YLPM1: variants seen among roughly 807,000 people sequenced by gnomAD.
The protein encoded by YLPM1 is YLP motif-containing protein 1.
YLPM1 carries 99 observed loss-of-function variants against 230.0 expected under a neutral mutation model. The ratio of observed to expected loss-of-function variants is 0.43; its 90% CI spans 0.37 to 0.51. The LOEUF (loss-of-function observed/expected upper bound fraction) is 0.51. Ranked by LOEUF, YLPM1 falls within the 20% of genes least tolerant of loss-of-function variation. The pLI is 0.00. For synonymous variants in YLPM1, 984 were observed against 942.5 expected (o/e 1.04, Z -0.81); for missense variants, 2,592 against 2,707.7 (o/e 0.96, Z 0.95).
At chr14:74,818,196 C>T in intron 15 of YLPM1, 35 bp from the exon 16 acceptor site, 2 of 1,522,222 alleles carry the variant, frequency 1.3e-6, no homozygotes, top group Non-Finnish European at 1.8e-6. Flanking sequence ...TGAGTAGTTT[C>T]TAGAGATAAC....
rs766885242 is a variant in YLPM1, at chr14:74,773,711, C to CTTTTT, written c.874-4713_874-4709dup. Among the ~76,000 whole-genome samples, 73 of 60,576 alleles carry CTTTTT rather than the reference C, an allele frequency of 1.2e-3. 9 individuals are homozygous for CTTTTT. Among genetic ancestry groups the CTTTTT allele is most frequent in the African/African-American group, 2.6e-3 (35 of 13,324 alleles). The allele number at this position is 60,576 out of a possible 152,430, so 39.7% of individuals were successfully genotyped here. A position where few individuals can be genotyped will look rare whatever the true frequency, so the allele number is the denominator to read the frequency against. On this transcript the variant is annotated intron_variant, in intron 1 of 20. Coordinates refer to ENST00000325680, the MANE Select transcript of YLPM1 (RefSeq NM_019589.3). ...TCATGGTCAGTGTGCTGTTTTCTTTCTTTTTTTTTTTTTTTTTTTTTTTTT... is the reference window on the plus strand; with the variant it reads ...TCATGGTCAGTGTGCTGTTTTCTTTCTTTTTTTTTTTTTTTTTTTTTTTTTTTTTT...
chr14:74,829,157 G>T (rs1382174800), intron 18 of YLPM1, 56 bp from the exon 19 acceptor site: 1 of 1,602,392 alleles, frequency 6.2e-7, no homozygotes, highest in African/African-American at 1.3e-5. Context: ...CTGTGTGTGT[G>T]TCGTGTGCAA....
At chr14:74,813,796 T>A (rs115108945) in intron 11 of YLPM1, among the ~76,000 whole-genome samples, 1,745 of 152,348 alleles carry the variant, frequency 0.011, 36 homozygotes, top group African/African-American at 0.039. Flanking sequence ...AAATATGGTT[T>A]ATTTTTGTTT....
In YLPM1 at chr14:74,781,976, C is replaced by T. The variant is rs2091099348; in HGVS notation, c.1933C>T (p.Gln645Ter). ...TGGAGTTCCACAAGGGATACCTCCTCAGTTAACAGCAGCCCCAGTTCCACC... is the reference window on the plus strand; with the variant it reads ...TGGAGTTCCACAAGGGATACCTCCTTAGTTAACAGCAGCCCCAGTTCCACC... ...PPGVPQGIPP[Q>*]LTAAPVPPAS... Residue 645 changes from glutamine to a stop codon, truncating the protein, a stop_gained, in exon 4 of 21, where the codon CAG (glutamine) becomes TAG (stop). Coordinates refer to ENST00000325680, the MANE Select transcript of YLPM1 (RefSeq NM_019589.3). LOFTEE classifies it high-confidence loss of function. 6.2e-7 allele frequency: 1 copy of T among 1,613,540 alleles called. No individual in the cohort carries two copies. Among genetic ancestry groups the T allele is most frequent in the African/African-American group, 1.3e-5 (1 of 74,894 alleles).
intron 18 of YLPM1, among the ~76,000 whole-genome samples, chr14:74,826,843 C>T (rs2091566818): frequency 1.3e-5 from 2 of 152,178 alleles, no homozygotes; most frequent in Non-Finnish European, 1.5e-5. Context: ...TGGGATTCAG[C>T]ATTGAAGCTA....
At chr14:74,777,566 C>CAA (rs1220967010) in intron 1 of YLPM1, among the ~76,000 whole-genome samples, 13 of 131,308 alleles carry the variant, frequency 9.9e-5, no homozygotes, top group South Asian at 2.4e-4. Context: ...GACTCCATCT[C>CAA]AAAAAAAAAA....
chr14:74,825,525 T>C (rs921123472), intron 18 of YLPM1, among the ~76,000 whole-genome samples: 1 of 152,160 alleles, frequency 6.6e-6, no homozygotes, highest in African/African-American at 2.4e-5. Flanking sequence ...AAAGCACTTA[T>C]GTGTTTAAAT....
rs775096008 is a variant in YLPM1 at position 74,798,565 on chromosome 14, C to T, written c.3268C>T (p.Arg1090Trp). ...DRGLVRPGSSREKVPGGLQGS... is the reference protein window; with the variant it reads ...DRGLVRPGSSWEKVPGGLQGS... ...AGGGTTGGTGAGGCCTGGAAGCAGT[C>T]GGGAGAAAGTGCCAGGTGGTCTTCA... The change falls in exon 5 of 21, where the codon CGG becomes TGG. Residue 1090 changes from arginine to tryptophan, a missense_variant. This residue lies in a region of YLPM1 where 1,862 missense variants were observed against 1,819.8 expected (regional missense o/e 1.02). Transcript: ENST00000325680. 12 of 1,613,480 alleles carry T rather than the reference C, an allele frequency of 7.4e-6. No individual in the cohort carries two copies. The highest frequency in any genetic ancestry group is 3.3e-5 in the Admixed American group (2 of 59,976).
At chr14:74,796,577 T>C (rs1456496434) in intron 4 of YLPM1, among the ~76,000 whole-genome samples, 1 of 152,228 alleles carries the variant, frequency 6.6e-6, no homozygotes, top group African/African-American at 2.4e-5. Context: ...TTGTAAACTC[T>C]TTGAGGGCAC....
chr14:74,823,297 A>C (rs1261380933), intron 17 of YLPM1, among the ~76,000 whole-genome samples: 9 of 152,096 alleles, frequency 5.9e-5, no homozygotes. Flanking sequence ...GGATACTGAC[A>C]CCTTTGATGA....
At chr14:74,827,868 AC>A in intron 18 of YLPM1, 1 of 985,420 alleles carries the variant, frequency 1.0e-6, no homozygotes, top group Non-Finnish European at 1.2e-6. Flanking sequence ...CGTCATATAC[AC>A]GTAGATAGAG....
In YLPM1 at chr14:74,799,398, TA is replaced by T. The variant is rs1249770934; in HGVS notation, c.4102del (p.Arg1368GlyfsTer4). ...ATGGGTATGATCGAGATTTCCGTGA[TA>T]GGGGTGAGTTGAGGATTCGAGAGTA... ...EHGYDRDFRD[R>X]GELRIREYPE... On this transcript the variant is annotated frameshift_variant, in exon 5 of 21. Coordinates refer to ENST00000325680, the MANE Select transcript of YLPM1 (RefSeq NM_019589.3). LOFTEE classifies it high-confidence loss of function. 2 of 1,613,876 alleles carry T rather than the reference TA, an allele frequency of 1.2e-6. No homozygotes were observed. The highest frequency in any genetic ancestry group is 8.5e-7 in the Non-Finnish European group (1 of 1,179,876).
chr14:74,827,522 C>T (rs2091574473), intron 18 of YLPM1: 3 of 985,308 alleles, frequency 3.0e-6, no homozygotes, highest in Middle Eastern at 5.2e-4. Context: ...GCAACTGTAA[C>T]TCCTGTCATA....
At chr14:74,833,912 A>G (rs1394018186) in intron 19 of YLPM1, among the ~76,000 whole-genome samples, 2 of 152,206 alleles carry the variant, frequency 1.3e-5, no homozygotes, top group Non-Finnish European at 1.5e-5. Flanking sequence ...CTTGTCACAG[A>G]TAATAAATCA....
At chr14:74,769,829 A>C in intron 1 of YLPM1, among the ~76,000 whole-genome samples, 1 of 147,070 alleles carries the variant, frequency 6.8e-6, no homozygotes. Context: ...GTTCAAGGCC[A>C]GCCTGGGCAA....
At position 74,816,227 on chromosome 14, in the gene YLPM1, C is replaced by T; in HGVS notation, c.5527C>T (p.Pro1843Ser). Residue 1843 changes from proline (P) to serine (S), a missense_variant, in exon 12 of 21, where the codon CCT (proline) becomes TCT (serine). Coordinates refer to ENST00000325680, the MANE Select transcript of YLPM1 (RefSeq NM_019589.3). ...GATTGTTGTTATAATGAGAGGATTA[C>T]CTGGCAGTGGAAAGACACATGTTGC... is the stretch of plus-strand genomic sequence containing the variant. The part of the protein sequence containing the change: ...ERIVVIMRGL[P>S]GSGKTHVAKL... 6.2e-7 allele frequency: 1 copy of T among 1,609,606 alleles called. No homozygotes were observed. Among genetic ancestry groups the T allele is most frequent in the Non-Finnish European group, 8.5e-7 (1 of 1,178,402 alleles).
Position 74,782,023 on chromosome 14 carries a change from G to T in YLPM1, c.1980G>T (p.Ser660=), listed in dbSNP as rs371392951. ...PVPPASSSQS[S]QVPEKPRPAL... is the part of the protein sequence containing the mutation. ...CACCAGCCTCCAGTTCACAGAGCTC[G>T]CAAGTTCCAGAGAAACCTAGACCAG... Residue 660 remains serine (S), a synonymous_variant, in exon 4 of 21, where the codon TCG becomes TCT. Coordinates refer to ENST00000325680, the MANE Select transcript of YLPM1 (RefSeq NM_019589.3). 36 of 1,613,708 alleles carry T rather than the reference G, an allele frequency of 2.2e-5. No homozygotes were observed. The African/African-American group carries it at 4.5e-4, about 20-fold the overall frequency.
intron 1 of YLPM1, among the ~76,000 whole-genome samples, chr14:74,774,684 G>A (rs1277254867): frequency 6.6e-6 from 1 of 152,176 alleles, no homozygotes; most frequent in Middle Eastern, 3.2e-3. Context: ...GGGATTACAG[G>A]CGTGAGCCAC....
chr14:74,816,498 A>C, intron 12 of YLPM1, 73 bp from the exon 13 acceptor site: 1 of 1,518,578 alleles, frequency 6.6e-7, no homozygotes, highest in Non-Finnish European at 8.8e-7. Flanking sequence ...TTTAGCCACA[A>C]GAGGGAACTT....
Sources: gnomAD v4.1 joint callset for allele counts (sites outside exome capture counted in the v4.1 genomes callset) on GRCh38, gnomAD v4.1.1 for gene constraint, gnomAD v4.1.1 regional missense constraint, MANE v1.5 for transcripts, NCBI Gene and HGNC (gene_info 2026-07-23, HGNC 2026-07-21) for gene names.